The following ZDHHC11 variants were observed in gnomAD, a reference collection of about 807,000 sequenced individuals.
ZDHHC11 encodes zDHHC palmitoyltransferase 11.
A neutral mutation model predicts 51.3 loss-of-function variants in ZDHHC11; 44 were observed. That is an observed-to-expected ratio of 0.86 (90% confidence interval 0.67 to 1.10). ZDHHC11 has a LOEUF of 1.10. Ranked by LOEUF, ZDHHC11 falls within the 50% of genes least tolerant of loss-of-function variation. The pLI, the probability that ZDHHC11 is intolerant of heterozygous loss-of-function variation, is 0.00. For synonymous variants in ZDHHC11, 163 were observed against 222.0 expected (o/e 0.73, Z 2.36); for missense variants, 400 against 537.7 (o/e 0.74, Z 2.53).
intron 3 of ZDHHC11, among the ~76,000 whole-genome samples, chr5:844,548 C>G (rs1745804316): frequency 6.6e-6 from 1 of 152,292 alleles, no homozygotes; most frequent in African/African-American, 2.4e-5. Context: ...ACTCGGGGGG[C>G]CCTGAGCATG....
intron 11 of ZDHHC11, among the ~76,000 whole-genome samples, chr5:811,966 C>T (rs2150312187): frequency 7.2e-6 from 1 of 138,862 alleles, no homozygotes; most frequent in African/African-American, 2.9e-5. Context: ...GAGTCTAGTG[C>T]TTATGGCAAG....
Position 815,376 on chromosome 5 carries a change from C to T in ZDHHC11, c.1147-581G>A, listed in dbSNP as rs114811481. Among the ~76,000 whole-genome samples, 84 of 148,614 alleles carry T rather than the reference C, an allele frequency of 5.7e-4. 1 individual carries two copies. Among genetic ancestry groups the T allele is most frequent in the African/African-American group, 2.0e-3 (79 of 39,872 alleles). ...AAAACACCTGCTATGTGTGCACACA[C>T]GTTGTTCTCAGTGCTCTTGGTTAAG... On this transcript the variant is annotated intron_variant, in intron 10 of 12. Coordinates refer to ENST00000283441, the MANE Select transcript of ZDHHC11 (RefSeq NM_024786.3).
intron 1 of ZDHHC11, among the ~76,000 whole-genome samples, chr5:856,229 C>T (rs1278318463): frequency 6.6e-6 from 1 of 151,282 alleles, no homozygotes; most frequent in Non-Finnish European, 1.5e-5. Flanking sequence ...ACTGACCACA[C>T]ACCGCATACC....
At chr5:816,174 G>C (rs907816397) in intron 10 of ZDHHC11, among the ~76,000 whole-genome samples, 1 of 143,904 alleles carries the variant, frequency 6.9e-6, no homozygotes, top group African/African-American at 2.8e-5. Flanking sequence ...TCAGTCTGTG[G>C]CTTATATTTT....
chr5:818,508 AAGG>A (rs1741128122), intron 10 of ZDHHC11, among the ~76,000 whole-genome samples: 1 of 151,600 alleles, frequency 6.6e-6, no homozygotes, highest in African/African-American at 2.4e-5. Context: ...CCCAACAGGG[AAGG>A]AGAAGACACC....
At chr5:847,816 A>C in intron 2 of ZDHHC11, 1 of 568,484 alleles carries the variant, frequency 1.8e-6, no homozygotes, top group Non-Finnish European at 3.0e-6. Flanking sequence ...AGCTGTGGGC[A>C]GAGGTAGCCA....
intron 1 of ZDHHC11, among the ~76,000 whole-genome samples, chr5:849,130 G>A (rs368060295): frequency 2.6e-5 from 4 of 152,176 alleles, no homozygotes; most frequent in African/African-American, 9.7e-5. Flanking sequence ...ACACAGCCCT[G>A]CTTACCCAGG....
chr5:798,459 C>T (rs557986524), intron 12 of ZDHHC11, among the ~76,000 whole-genome samples: 12 of 151,336 alleles, frequency 7.9e-5, no homozygotes, highest in East Asian at 2.0e-4. Flanking sequence ...GAGCATTGTC[C>T]GATCCTTGTA....
rs1747074695 is a variant in ZDHHC11 at position 850,707 on chromosome 5, C to T, written c.-105G>A. The T allele has an allele frequency of 7.3e-7, 1 of 1,366,774 alleles. No individual in the cohort carries two copies. The highest frequency in any genetic ancestry group is 1.0e-6 in the Non-Finnish European group (1 of 995,548). 84.7% of individuals were successfully genotyped at this position (1,366,774 alleles called of 1,614,324 possible). A position where few individuals can be genotyped will look rare whatever the true frequency, so the allele number is the denominator to read the frequency against. On this transcript the variant is annotated 5_prime_UTR_variant, in exon 1 of 13. Coordinates refer to ENST00000283441, the MANE Select transcript of ZDHHC11 (RefSeq NM_024786.3). ...GGACTGGGAATGCAGCCGCCAGGAC[C>T]AGCACTGACAGCCAATGGCCCAGCA...
intron 11 of ZDHHC11, among the ~76,000 whole-genome samples, chr5:803,329 C>G (rs1228676675): frequency 7.3e-5 from 11 of 151,390 alleles, no homozygotes; most frequent in African/African-American, 2.7e-4. Context: ...GACAGACATT[C>G]CCCCCTTGTT....
chr5:828,067 G>C (rs1267498993), intron 7 of ZDHHC11, among the ~76,000 whole-genome samples: 1 of 151,398 alleles, frequency 6.6e-6, no homozygotes, highest in Non-Finnish European at 1.5e-5. Context: ...TAAGGTCATA[G>C]ATCAACAGGA....
intron 3 of ZDHHC11, among the ~76,000 whole-genome samples, chr5:843,928 A>T (rs192486717): frequency 1.1e-5 from 1 of 92,576 alleles, no homozygotes; most frequent in African/African-American, 5.3e-5. Flanking sequence ...AGGGCATCTG[A>T]GGCAGGGGCG....
chr5:817,638 T>C (rs1482359368), intron 10 of ZDHHC11, among the ~76,000 whole-genome samples: 1 of 151,356 alleles, frequency 6.6e-6, no homozygotes, highest in Non-Finnish European at 1.5e-5. Context: ...AACTTTCCTC[T>C]CTAAATATGA....
At chr5:806,679 A>C (rs1324318423) in intron 11 of ZDHHC11, among the ~76,000 whole-genome samples, 2 of 151,344 alleles carry the variant, frequency 1.3e-5, no homozygotes, top group African/African-American at 4.9e-5. Context: ...CTATAAATCA[A>C]TAAGAAAAGC....
chr5:819,488 C>T lies in ZDHHC11; in HGVS notation c.1146+37G>A, dbSNP rs747997431. 15 of 1,586,666 alleles carry T rather than the reference C, an allele frequency of 9.5e-6. 2 individuals are homozygous for T. Among genetic ancestry groups the T allele is most frequent in the South Asian group, 8.8e-5 (8 of 90,612 alleles). On this transcript the variant is annotated intron_variant, in intron 10 of 12. Coordinates refer to ENST00000283441, the MANE Select transcript of ZDHHC11 (RefSeq NM_024786.3). ...TCAGACCACACATTCTGCACATGGC[C>T]CTGTCCTCGGGGACAGCGCCAGTGA...
At chr5:799,272 C>G (rs1467696190) in intron 12 of ZDHHC11, among the ~76,000 whole-genome samples, 1,231 of 151,088 alleles carry the variant, frequency 8.1e-3, no homozygotes, top group African/African-American at 0.029. Context: ...CCTTCGCCTC[C>G]TCTCTCTCCA....
In ZDHHC11 at chr5:850,715, A is replaced by C; in HGVS notation, c.-113T>G. The C allele has an allele frequency of 3.0e-6, 4 of 1,323,930 alleles. No individual in the cohort carries two copies. The highest frequency in any genetic ancestry group is 4.2e-6 in the Non-Finnish European group (4 of 960,034). The allele number at this position is 1,323,930 out of a possible 1,614,324, so 82.0% of individuals were successfully genotyped here. A position where few individuals can be genotyped will look rare whatever the true frequency, so the allele number is the denominator to read the frequency against. ...AATGCAGCCGCCAGGACCAGCACTG[A>C]CAGCCAATGGCCCAGCACTGCCTGG... is the stretch of plus-strand genomic sequence containing the variant. On this transcript the variant is annotated 5_prime_UTR_variant, in exon 1 of 13. Transcript: ENST00000283441.
In ZDHHC11 at chr5:795,949, T is replaced by TCAGTACTGTATGCCCATTACC. The variant is rs1737511936; in HGVS notation, c.*638_*639insGGTAATGGGCATACAGTACTG. 7.4e-6 allele frequency: 1 copy of TCAGTACTGTATGCCCATTACC among 135,842 alleles called. No individual in the cohort carries two copies. The highest frequency in any genetic ancestry group is 2.7e-5 in the African/African-American group (1 of 36,740). 8.4% of individuals were successfully genotyped at this position (135,842 alleles called of 1,614,324 possible). On this transcript the variant is annotated 3_prime_UTR_variant, in exon 13 of 13. Transcript: ENST00000283441. ...TCCCAGTACTGTGTGCTCCCATTTCTCAGTACTGTATGCCCATTTCCCAGT... is the reference window on the plus strand; with the variant it reads ...TCCCAGTACTGTGTGCTCCCATTTCTCAGTACTGTATGCCCATTACCCAGTACTGTATGCCCATTTCCCAGT...
At chr5:839,542 CG>C (rs1744428275) in intron 5 of ZDHHC11, 2 of 141,988 alleles carry the variant, frequency 1.4e-5, no homozygotes, top group African/African-American at 5.2e-5. Context: ...GTAAGATATG[CG>C]TTAGAGGTGT....
Sources: gnomAD v4.1 joint callset for allele counts (sites outside exome capture counted in the v4.1 genomes callset) on GRCh38, gnomAD v4.1.1 for gene constraint, MANE v1.5 for transcripts, NCBI Gene and HGNC (gene_info 2026-07-23, HGNC 2026-07-21) for gene names.